The following CDKAL1 variants were observed in gnomAD, a reference collection of about 807,000 sequenced individuals.
CDKAL1 encodes threonylcarbamoyladenosine tRNA methylthiotransferase.
A neutral mutation model predicts 68.2 loss-of-function variants in CDKAL1; 32 were observed. That is an observed-to-expected ratio of 0.47 (90% CI 0.35 to 0.63). CDKAL1 has a LOEUF of 0.63. CDKAL1 is among the 30% of genes least tolerant of loss of function. The pLI is 0.00. For missense variants in CDKAL1, 606 were observed against 696.7 expected (o/e 0.87, Z 1.47); for synonymous variants, 234 against 244.3 (o/e 0.96, Z 0.39).
chr6:20,935,785 G>A (rs1266932324), intron 9 of CDKAL1, among the ~76,000 whole-genome samples: 1 of 152,142 alleles, frequency 6.6e-6, no homozygotes, highest in East Asian at 1.9e-4. Context: ...GCCCAGGCTG[G>A]TCTACAACTC....
chr6:20,918,687 G>A (rs149770075), intron 9 of CDKAL1, among the ~76,000 whole-genome samples: 10 of 152,312 alleles, frequency 6.6e-5, no homozygotes, highest in South Asian at 2.1e-4. Flanking sequence ...TTTTAGGCTG[G>A]AGTTGATAAT....
chr6:21,207,320 G>C (rs902871368), intron 15 of CDKAL1, among the ~76,000 whole-genome samples: 7 of 151,940 alleles, frequency 4.6e-5, no homozygotes, highest in African/African-American at 1.5e-4. Context: ...TTGACCCCAA[G>C]GTTTAAGAAC....
chr6:20,674,937 GT>G (rs887989166), intron 5 of CDKAL1, among the ~76,000 whole-genome samples: 3 of 152,138 alleles, frequency 2.0e-5, no homozygotes, highest in Non-Finnish European at 4.4e-5. Context: ...TGAGTGGGGA[GT>G]TTTGTTGAAA....
intron 15 of CDKAL1, among the ~76,000 whole-genome samples, chr6:21,221,658 GA>G (rs1582443975): frequency 6.6e-6 from 1 of 152,072 alleles, no homozygotes; most frequent in African/African-American, 2.4e-5. Flanking sequence ...ATGGTGGGGG[GA>G]AAAAAGCCTG....
chr6:21,059,905 G>A (rs373412543), intron 11 of CDKAL1, among the ~76,000 whole-genome samples: 8 of 151,870 alleles, frequency 5.3e-5, no homozygotes, highest in East Asian at 1.9e-4. Context: ...TTTATCCCTC[G>A]CTCCTGTCCC....
intron 12 of CDKAL1, among the ~76,000 whole-genome samples, chr6:21,075,219 TAAC>T (rs146089903): frequency 1.3e-5 from 2 of 152,292 alleles, no homozygotes; most frequent in South Asian, 2.1e-4. Flanking sequence ...TTATTTCTGC[TAAC>T]AACAAGTCCC....
At chr6:20,655,604 T>C (rs1768989819) in intron 5 of CDKAL1, among the ~76,000 whole-genome samples, 1 of 152,152 alleles carries the variant, frequency 6.6e-6, no homozygotes, top group Non-Finnish European at 1.5e-5. Flanking sequence ...GAACTGTACA[T>C]GTGAGGGATC....
chr6:20,653,319 G>C (rs2328545), intron 5 of CDKAL1, among the ~76,000 whole-genome samples: 20,988 of 152,220 alleles, frequency 0.14, 1,667 homozygotes, highest in East Asian at 0.38. Flanking sequence ...GGATGTAGTA[G>C]TGTGCATTCT....
At chr6:20,871,731 C>T (rs1376706006) in intron 9 of CDKAL1, among the ~76,000 whole-genome samples, 1 of 152,098 alleles carries the variant, frequency 6.6e-6, no homozygotes, top group Non-Finnish European at 1.5e-5. Flanking sequence ...GAAGATTAAC[C>T]ATGTCTTAGA....
At chr6:20,731,110 AAG>A (rs1317168566) in intron 5 of CDKAL1, among the ~76,000 whole-genome samples, 2 of 152,190 alleles carry the variant, frequency 1.3e-5, no homozygotes, top group Non-Finnish European at 2.9e-5. Context: ...TGAATGAGGA[AAG>A]AGTAGGAGAA....
intron 4 of CDKAL1, among the ~76,000 whole-genome samples, chr6:20,613,152 A>G (rs936378681): frequency 6.6e-6 from 1 of 151,468 alleles, no homozygotes; most frequent in Non-Finnish European, 1.5e-5. Flanking sequence ...TATAATACAC[A>G]TGATTTTCAT....
At position 21,231,101 on chromosome 6, in the gene CDKAL1, C is replaced by T; in HGVS notation, c.*62C>T. 28 of 1,327,790 alleles carry T rather than the reference C, an allele frequency of 2.1e-5. No individual in the cohort carries two copies. Among genetic ancestry groups the T allele is most frequent in the Non-Finnish European group, 2.9e-5 (28 of 959,734 alleles). The allele number at this position is 1,327,790 out of a possible 1,614,324, so 82.3% of individuals were successfully genotyped here. A position where few individuals can be genotyped will look rare whatever the true frequency, so the allele number is the denominator to read the frequency against. On this transcript the variant is annotated 3_prime_UTR_variant, in exon 16 of 16. Coordinates refer to ENST00000274695, the MANE Select transcript of CDKAL1 (RefSeq NM_017774.3). The stretch of plus-strand genomic sequence containing the variant: ...ATTTCTAATTAAAATCTTCAATGAA[C>T]AGGAAAGCGACATCTCCATTCTCCA...
chr6:20,714,968 C>T (rs1453443799), intron 5 of CDKAL1, among the ~76,000 whole-genome samples: 8 of 151,962 alleles, frequency 5.3e-5, no homozygotes, highest in Admixed American at 5.2e-4. Flanking sequence ...ATTTAAGATA[C>T]GTGATCAGAC....
chr6:21,083,284 T>C (rs2150960063), intron 12 of CDKAL1, among the ~76,000 whole-genome samples: 1 of 152,270 alleles, frequency 6.6e-6, no homozygotes, highest in East Asian at 1.9e-4. Flanking sequence ...ACTCCTCACA[T>C]GAGGTCAGAT....
chr6:20,696,592 T>G (rs1203660999), intron 5 of CDKAL1, among the ~76,000 whole-genome samples: 1 of 152,248 alleles, frequency 6.6e-6, no homozygotes, highest in Non-Finnish European at 1.5e-5. Flanking sequence ...AAAAACTGTT[T>G]GTATTTTTAA....
chr6:20,959,816 A>G (rs1290046992), intron 10 of CDKAL1, among the ~76,000 whole-genome samples: 2 of 152,050 alleles, frequency 1.3e-5, no homozygotes, highest in Non-Finnish European at 2.9e-5. Context: ...GAAGCGGTTT[A>G]TGAATTTGAT....
intron 12 of CDKAL1, 31 bp from the exon 13 acceptor site, chr6:21,108,370 G>GGTTTTTTGT (rs1773954388): frequency 6.6e-7 from 1 of 1,506,480 alleles, no homozygotes; most frequent in Admixed American, 1.7e-5. Context: ...TTTGTATGTT[G>GGTTTTTTGT]GTTTTTTGTT....
At chr6:20,680,685 C>T (rs1303285426) in intron 5 of CDKAL1, among the ~76,000 whole-genome samples, 1 of 152,190 alleles carries the variant, frequency 6.6e-6, no homozygotes, top group African/African-American at 2.4e-5. Flanking sequence ...CTGTGATTCT[C>T]TTGAAAGTGC....
chr6:21,090,606 A>G (rs111642170), intron 12 of CDKAL1, among the ~76,000 whole-genome samples: 187 of 152,252 alleles, frequency 1.2e-3, no homozygotes, highest in African/African-American at 4.1e-3. Flanking sequence ...ACTCATATAT[A>G]TATGAAAGTA....
Sources: allele counts gnomAD v4.1 joint callset (sites outside exome capture counted in the v4.1 genomes callset), GRCh38; gene constraint gnomAD v4.1.1; transcripts MANE v1.5; gene names NCBI Gene and HGNC (gene_info 2026-07-23, HGNC 2026-07-21).